The following ERBB4 variants were observed in gnomAD, a reference collection of about 807,000 sequenced individuals.
ERBB4 encodes erb-b2 receptor tyrosine kinase 4.
Under a neutral mutation model 158.0 loss-of-function variants are expected in ERBB4, and 42 were observed. The ratio of observed to expected loss-of-function variants is 0.27; its 90% CI spans 0.21 to 0.34. The LOEUF is 0.34. Ranked by LOEUF, ERBB4 falls within the 10% of genes least tolerant of loss-of-function variation. ERBB4 has a pLI of 1.00. For missense variants in ERBB4, 1,333 were observed against 1,624.1 expected (o/e 0.82, Z 3.08); for synonymous variants, 583 against 558.7 (o/e 1.04, Z -0.61).
At chr2:212,379,785 C>A (rs2090442967) in intron 1 of ERBB4, among the ~76,000 whole-genome samples, 1 of 150,838 alleles carries the variant, frequency 6.6e-6, no homozygotes, top group Non-Finnish European at 1.5e-5. Context: ...ATATATTTTT[C>A]TTTTCTCTCT....
At chr2:212,006,706 A>T (rs1251474771) in intron 2 of ERBB4, among the ~76,000 whole-genome samples, 2 of 152,104 alleles carry the variant, frequency 1.3e-5, no homozygotes, top group Non-Finnish European at 2.9e-5. Context: ...GATCATGATA[A>T]GTATACCAAA....
intron 3 of ERBB4, among the ~76,000 whole-genome samples, chr2:211,857,206 A>G (rs986890097): frequency 6.6e-6 from 1 of 151,958 alleles, no homozygotes; most frequent in Non-Finnish European, 1.5e-5. Flanking sequence ...TTTCTTTAAT[A>G]AAAGAATAAC....
At position 211,709,868 on chromosome 2, in the gene ERBB4, CA is replaced by C. The variant is rs200200826; in HGVS notation, c.1124+2181del. Among the ~76,000 whole-genome samples, 1,199 of 152,230 alleles carry C rather than the reference CA, an allele frequency of 7.9e-3. 9 individuals carry two copies. The highest frequency in any genetic ancestry group is 0.017 in the South Asian group (82 of 4,828). ...TTTCCCTCTTTCTTTTGTCATATAA[CA>C]ATGTGTCTGGCTAGTGGTTTTCTAT... On this transcript the variant is annotated intron_variant, in intron 9 of 27. Coordinates refer to ENST00000342788, the MANE Select transcript of ERBB4 (RefSeq NM_005235.3).
chr2:212,094,884 T>C (rs995331150), intron 2 of ERBB4, among the ~76,000 whole-genome samples: 1 of 151,858 alleles, frequency 6.6e-6, no homozygotes, highest in African/African-American at 2.4e-5. Context: ...AGATTATTTA[T>C]TACATTTATA....
intron 1 of ERBB4, among the ~76,000 whole-genome samples, chr2:212,260,296 A>G (rs1400238577): frequency 6.6e-6 from 1 of 152,208 alleles, no homozygotes; most frequent in African/African-American, 2.4e-5. Context: ...AAAGAAACAA[A>G]AGAGTAGAGA....
At chr2:212,446,437 G>T (rs1574934162) in intron 1 of ERBB4, among the ~76,000 whole-genome samples, 1 of 150,458 alleles carries the variant, frequency 6.6e-6, no homozygotes, top group East Asian at 2.0e-4. Context: ...TCTTTCTCCT[G>T]AGTTGGATGC....
chr2:212,324,201 A>T (rs969148396), intron 1 of ERBB4, among the ~76,000 whole-genome samples: 2 of 150,596 alleles, frequency 1.3e-5, no homozygotes, highest in African/African-American at 2.4e-5. Flanking sequence ...AAAAGTGTTA[A>T]TGGCAGGTAA....
intron 16 of ERBB4, among the ~76,000 whole-genome samples, chr2:211,655,521 G>A (rs572781836): frequency 6.6e-6 from 1 of 152,290 alleles, no homozygotes; most frequent in East Asian, 1.9e-4. Context: ...AAATGGTAGA[G>A]CCTGGCTCTG....
chr2:211,849,068 G>A lies in ERBB4; in HGVS notation c.422-60909C>T, dbSNP rs188436022. Among the ~76,000 whole-genome samples the A allele has an allele frequency of 7.0e-4, 106 of 152,082 alleles. 2 individuals are homozygous for A. The highest frequency in any genetic ancestry group is 2.4e-3 in the African/African-American group (101 of 41,520). Reference sequence around the variant, plus strand: ...AATCCCTGCTAATTCTTAGACTGTGGAAAACTATGAATGGTGTGTATGTAA... The same window carrying A: ...AATCCCTGCTAATTCTTAGACTGTGAAAAACTATGAATGGTGTGTATGTAA... On this transcript the variant is annotated intron_variant, in intron 3 of 27. Coordinates refer to ENST00000342788, the MANE Select transcript of ERBB4 (RefSeq NM_005235.3).
chr2:212,044,910 C>T lies in ERBB4; in HGVS notation c.234+79842G>A, dbSNP rs10192379. On this transcript the variant is annotated intron_variant, in intron 2 of 27. Coordinates refer to ENST00000342788, the MANE Select transcript of ERBB4 (RefSeq NM_005235.3). ...TGTGTTGTTTTTGATGGGATAGATA[C>T]GATTTCAGTATCATCAGGGTCTGGC... Among the ~76,000 whole-genome samples, 215 of 151,958 alleles carry T rather than the reference C, an allele frequency of 1.4e-3. 1 individual carries two copies. The highest frequency in any genetic ancestry group is 4.9e-3 in the African/African-American group (203 of 41,354).
rs760575423 is a variant in ERBB4, at chr2:211,947,520, A to G, written c.331T>C (p.Tyr111His). 6.2e-7 allele frequency: 1 copy of G among 1,613,832 alleles called. No individual in the cohort carries two copies. Among genetic ancestry groups the G allele is most frequent in the Non-Finnish European group, 8.5e-7 (1 of 1,179,870 alleles). ...ATTGCCAAGGCATATCGATCCTCAT[A>G]AAGTTTTGTCCCACGAATAATGCGT... The part of the protein sequence containing the change: ...NLRIIRGTKL[Y>H]EDRYALAIFL... The change falls in exon 3 of 28, where the codon TAT becomes CAT. Residue 111 changes from tyrosine to histidine, a missense_variant. By Grantham distance (83) the Tyr-to-His change is moderately conservative (BLOSUM62 2). Around this residue, in one of 5 missense-constraint regions of ERBB4, gnomAD observed 438 missense variants for 586.9 expected, o/e 0.75. Transcript: ENST00000342788.
At chr2:211,916,056 G>A (rs1023347124) in intron 3 of ERBB4, among the ~76,000 whole-genome samples, 6 of 151,646 alleles carry the variant, frequency 4.0e-5, no homozygotes, top group East Asian at 1.9e-4. Context: ...AGATGTAATC[G>A]TGTTTAAGTT....
At chr2:212,220,717 C>T (rs2105952369) in intron 1 of ERBB4, among the ~76,000 whole-genome samples, 1 of 151,538 alleles carries the variant, frequency 6.6e-6, no homozygotes, top group African/African-American at 2.4e-5. Context: ...TTAAGGCTTT[C>T]TTATCCCTCA....
chr2:211,402,400 C>T (rs2063063644), intron 25 of ERBB4, among the ~76,000 whole-genome samples: 1 of 152,000 alleles, frequency 6.6e-6, no homozygotes, highest in Non-Finnish European at 1.5e-5. Flanking sequence ...ATTCTTAGGA[C>T]TGATCTTTTA....
chr2:211,451,122 A>G (rs892983414), intron 20 of ERBB4, among the ~76,000 whole-genome samples: 1 of 152,204 alleles, frequency 6.6e-6, no homozygotes, highest in African/African-American at 2.4e-5. Context: ...GACAAAACTG[A>G]GATGACAAAG....
chr2:212,200,603 A>C (rs184708674), intron 1 of ERBB4, among the ~76,000 whole-genome samples: 2 of 152,182 alleles, frequency 1.3e-5, no homozygotes, highest in Non-Finnish European at 2.9e-5. Flanking sequence ...GTGTTTCACC[A>C]CGTAAATATA....
chr2:212,380,456 CTGTGTGTGTGTGTGTGTGTGTG>C, intron 1 of ERBB4, among the ~76,000 whole-genome samples: 1 of 143,136 alleles, frequency 7.0e-6, no homozygotes, highest in South Asian at 2.2e-4. Context: ...AGGAATGACT[CTGTGTGTGTGTGTGTGTGTGTG>C]TGTGTGTGTG....
In ERBB4 at chr2:212,538,476, T is replaced by C. The variant is rs1222629052; in HGVS notation, c.55A>G (p.Thr19Ala). 6.2e-7 allele frequency: 1 copy of C among 1,613,600 alleles called. No homozygotes were observed. The change falls in exon 1 of 28, where the codon ACC becomes GCC. Residue 19 changes from threonine (T) to alanine (A), a missense_variant. Thr to Ala is a moderately conservative substitution (Grantham distance 58). Coordinates refer to ENST00000342788, the MANE Select transcript of ERBB4 (RefSeq NM_005235.3). The stretch of plus-strand genomic sequence containing the variant: ...GACTGAGAATCGCTGGGCTGGACGG[T>C]CCCCGCCGCCACGAGAAGGCTCACC... Reference protein sequence around the residue: ...VWVSLLVAAGTVQPSDSQSVC... With the variant: ...VWVSLLVAAGAVQPSDSQSVC...
intron 1 of ERBB4, among the ~76,000 whole-genome samples, chr2:212,190,994 CCTT>C (rs1476760977): frequency 2.6e-5 from 4 of 151,946 alleles, no homozygotes; most frequent in Non-Finnish European, 5.9e-5. Context: ...CACTACCCCT[CCTT>C]GAGGATCAGA....
Sources: allele counts gnomAD v4.1 joint callset (sites outside exome capture counted in the v4.1 genomes callset), GRCh38; gene constraint gnomAD v4.1.1; regional missense constraint gnomAD v4.1.1; transcripts MANE v1.5; gene names NCBI Gene and HGNC (gene_info 2026-07-23, HGNC 2026-07-21).